The following CLCA4 variants were observed in gnomAD, a reference collection of about 807,000 sequenced individuals.
CLCA4 encodes chloride channel accessory 4, also known as calcium-activated chloride channel regulator 4.
CLCA4 carries 69 observed loss-of-function variants against 78.9 expected under a neutral mutation model. The ratio of observed to expected loss-of-function variants is 0.87; its 90% confidence interval spans 0.72 to 1.07. CLCA4 has a LOEUF of 1.07. Ranked by LOEUF, CLCA4 falls within the 50% of genes least tolerant of loss-of-function variation. CLCA4 has a pLI of 0.00. For synonymous variants in CLCA4, 362 were observed against 375.8 expected (o/e 0.96, Z 0.42); for missense variants, 1,133 against 1,095.8 (o/e 1.03, Z -0.48).
chr1:86,558,776 A>G (rs1400107189), intron 1 of CLCA4, among the ~76,000 whole-genome samples: 2 of 152,128 alleles, frequency 1.3e-5, no homozygotes, highest in Admixed American at 1.3e-4. Context: ...TGATTCAATT[A>G]TCTCCACCTG....
chr1:86,547,633 T>A (rs1649540679), intron 1 of CLCA4, among the ~76,000 whole-genome samples: 1 of 152,198 alleles, frequency 6.6e-6, no homozygotes, highest in African/African-American at 2.4e-5. Flanking sequence ...CCCTATCCTT[T>A]GCAGCCTCTA....
rs1182996019 is a variant in CLCA4 at position 86,579,449 on chromosome 1, G to T, written c.2218G>T (p.Val740Leu). Residue 740 changes from valine (V) to leucine (L), a missense_variant, in exon 13 of 14, where the codon GTG becomes TTG. Physicochemically the swap from Val to Leu is conservative, Grantham distance 32. Transcript: ENST00000370563. Reference sequence around the variant, plus strand: ...CCGAACAGCATCCGGAGGTGCATTTGTGGTATCACAAGTCCCAAGCCTTCC... The same window carrying T: ...CCGAACAGCATCCGGAGGTGCATTTTTGGTATCACAAGTCCCAAGCCTTCC... ...FSRTASGGAF[V>L]VSQVPSLPLP... is the part of the protein sequence containing the mutation. 1 of 1,613,238 alleles carries T rather than the reference G, an allele frequency of 6.2e-7. No individual in the cohort carries two copies. The highest frequency in any genetic ancestry group is 2.2e-5 in the East Asian group (1 of 44,856).
chr1:86,558,458 G>A (rs977389738), intron 1 of CLCA4, among the ~76,000 whole-genome samples: 1 of 152,118 alleles, frequency 6.6e-6, no homozygotes, highest in African/African-American at 2.4e-5. Context: ...ATACTTGGTT[G>A]AAGATTATTG....
intron 1 of CLCA4, among the ~76,000 whole-genome samples, chr1:86,558,146 G>A (rs1367065252): frequency 1.3e-5 from 2 of 151,908 alleles, no homozygotes; most frequent in East Asian, 1.9e-4. Context: ...TTTTTATTCA[G>A]CTTGCCACTC....
chr1:86,567,592 T>C lies in CLCA4; in HGVS notation c.1123T>C (p.Leu375=). ...TGAAAGAAACACACTCATGGCAGGATTACCTACATATCCTCTGGGAGGAAC... is the reference window on the plus strand; with the variant it reads ...TGAAAGAAACACACTCATGGCAGGACTACCTACATATCCTCTGGGAGGAAC... ...SDERNTLMAG[L]PTYPLGGTSI... Residue 375 remains leucine (L), a synonymous_variant, in exon 7 of 14, where the codon TTA becomes CTA. Transcript: ENST00000370563. The C allele has an allele frequency of 1.9e-6, 3 of 1,613,270 alleles. No homozygotes were observed. The highest frequency in any genetic ancestry group is 2.5e-6 in the Non-Finnish European group (3 of 1,179,422).
At chr1:86,550,926 C>G (rs1320787549) in intron 1 of CLCA4, among the ~76,000 whole-genome samples, 4 of 150,644 alleles carry the variant, frequency 2.7e-5, no homozygotes, top group Non-Finnish European at 5.9e-5. Context: ...CCGCCTCCCA[C>G]GTTCACGCCA....
rs566954607 is a variant in CLCA4 at position 86,578,550 on chromosome 1, G to A, written c.2122+478G>A. 6.6e-5 allele frequency among the ~76,000 whole-genome samples: 10 copies of A among 152,058 alleles called. No individual in the cohort carries two copies. In the South Asian group the frequency reaches 1.7e-3, roughly 25 times the overall value. On this transcript the variant is annotated intron_variant, in intron 12 of 13. Transcript: ENST00000370563. ...AGCTCCCACTTATAAGTGAGAACAC[G>A]CAGTATTTTGGTTTTCTGTTCCTGC...
chr1:86,574,828 T>C (rs1650460874), intron 10 of CLCA4, 73 bp downstream of exon 10: 1 of 1,099,624 alleles, frequency 9.1e-7, no homozygotes, highest in Non-Finnish European at 1.4e-6. Flanking sequence ...ATGTCATAAA[T>C]GTCAGTACCA....
chr1:86,569,612 T>G (rs1650290766), intron 7 of CLCA4, among the ~76,000 whole-genome samples: 1 of 151,984 alleles, frequency 6.6e-6, no homozygotes, highest in East Asian at 1.9e-4. Context: ...AGCTTGGAGA[T>G]GGATTAAATT....
intron 3 of CLCA4, among the ~76,000 whole-genome samples, chr1:86,562,737 T>C (rs1570325738): frequency 6.6e-6 from 1 of 151,020 alleles, no homozygotes. Context: ...GCCTGTAATC[T>C]CAGCTACTCG....
chr1:86,552,654 G>T, intron 1 of CLCA4: 1 of 816,584 alleles, frequency 1.2e-6, no homozygotes, highest in Non-Finnish European at 2.1e-6. Context: ...ATGTGGTCCA[G>T]CTCGCCCAGA....
intron 3 of CLCA4, among the ~76,000 whole-genome samples, chr1:86,563,206 T>C (rs1650075062): frequency 6.7e-6 from 1 of 149,546 alleles, no homozygotes; most frequent in Admixed American, 6.8e-5. Flanking sequence ...CACATCTTTA[T>C]ATTTTTTAAT....
intron 12 of CLCA4, among the ~76,000 whole-genome samples, chr1:86,578,372 C>T (rs780040846): frequency 8.6e-5 from 13 of 151,890 alleles, no homozygotes; most frequent in East Asian, 1.9e-4. Flanking sequence ...CGTGTCATGG[C>T]GGTTTGTTGT....
chr1:86,561,196 T>G (rs1650007498), intron 3 of CLCA4, among the ~76,000 whole-genome samples: 1 of 152,208 alleles, frequency 6.6e-6, no homozygotes, highest in Admixed American at 6.5e-5. Context: ...CAATCTTACC[T>G]CTTCCCTGTA....
Position 86,579,434 on chromosome 1 carries a change from TC to T in CLCA4, c.2205del (p.Gly736GlufsTer56). On this transcript the variant is annotated frameshift_variant, in exon 13 of 14. Transcript: ENST00000370563. LOFTEE classifies it high-confidence loss of function. ...CTTGGAGGATTTCAGCCGAACAGCA[TC>T]CGGAGGTGCATTTGTGGTATCACAA... ...TTLEDFSRTA[S>X]GGAFVVSQVP... The T allele has an allele frequency of 6.2e-7, 1 of 1,613,302 alleles. No homozygotes were observed. The highest frequency in any genetic ancestry group is 1.7e-4 in the Middle Eastern group (1 of 6,050).
chr1:86,549,822 A>G (rs1441531227), intron 1 of CLCA4, among the ~76,000 whole-genome samples: 1 of 152,204 alleles, frequency 6.6e-6, no homozygotes, highest in Non-Finnish European at 1.5e-5. Context: ...TTTGGAATTT[A>G]TGTTACTTCT....
chr1:86,550,165 T>TTA (rs1649613577), intron 1 of CLCA4, among the ~76,000 whole-genome samples: 3 of 152,236 alleles, frequency 2.0e-5, no homozygotes, highest in Non-Finnish European at 4.4e-5. Context: ...TAAGTTGTAA[T>TTA]CAAGTGATTT....
chr1:86,551,233 A>AT (rs1199831925), intron 1 of CLCA4, among the ~76,000 whole-genome samples: 2 of 152,040 alleles, frequency 1.3e-5, no homozygotes, highest in African/African-American at 4.8e-5. Flanking sequence ...TCATTATGTT[A>AT]TTTTTATTTC....
chr1:86,552,810 T>C (rs868357984), intron 1 of CLCA4: 2 of 1,012,116 alleles, frequency 2.0e-6, no homozygotes, highest in Middle Eastern at 2.2e-4. Flanking sequence ...AAAACAGCTC[T>C]TCCATGTAGC....
Sources: gnomAD v4.1 joint callset for allele counts (sites outside exome capture counted in the v4.1 genomes callset) on GRCh38, gnomAD v4.1.1 for gene constraint, MANE v1.5 for transcripts, NCBI Gene and HGNC (gene_info 2026-07-23, HGNC 2026-07-21) for gene names.